Variants in RELB observed in about 807,000 individuals in gnomAD.
RELB encodes the protein transcription factor RelB.
Under a neutral mutation model 55.4 loss-of-function variants are expected in RELB, and 14 were observed. The observed-to-expected ratio is 0.25, with a 90% CI of 0.17 to 0.40. The LOEUF is 0.40. RELB is among the 10% of genes least tolerant of loss of function. The pLI is 1.00. For missense variants in RELB, 669 were observed against 830.7 expected (o/e 0.81, Z 2.39); for synonymous variants, 409 against 371.3 (o/e 1.10, Z -1.17).
In RELB at chr19:45,037,695, A is replaced by G. The variant is rs1177019152; in HGVS notation, c.1645A>G (p.Thr549Ala). ...GGCCCCGGGCCCCGGGGATGGAGGC[A>G]CCGCCAGCCTTGTGGGCAGCAACAT... ...YQAPGPGDGGTASLVGSNMFP... is the reference protein window; with the variant it reads ...YQAPGPGDGGAASLVGSNMFP... The change falls in exon 12 of 12, where the codon ACC becomes GCC. Residue 549 changes from threonine to alanine, a missense_variant. Physicochemically the swap from Thr to Ala is moderately conservative, Grantham distance 58. Around this residue, in one of 3 missense-constraint regions of RELB, gnomAD observed 341 missense variants for 436.8 expected, o/e 0.78. Transcript: ENST00000221452. 1.9e-6 allele frequency: 3 copies of G among 1,557,418 alleles called. No homozygotes were observed.
rs10424046 is a variant in RELB, at chr19:45,032,778, C to G, written c.1207+29C>G. ...ACTACAGCAACCCAGGGTGACCCAC[C>G]ACCTCGGAGACTAGGTCTTTGGCCT... On this transcript the variant is annotated intron_variant, in intron 9 of 11. Transcript: ENST00000221452. 788,019 of 1,567,922 alleles carry G rather than the reference C, an allele frequency of 0.5. 199,685 individuals carry two copies. Among genetic ancestry groups the G allele is most frequent in the Non-Finnish European group, 0.52 (604,033 of 1,153,544 alleles).
chr19:45,003,906 G>GTTTTTTTTTTTT lies in RELB; in HGVS notation c.154+916_154+917insTTTTTTTTTTTT, dbSNP rs1568395564. Among the ~76,000 whole-genome samples, 38 of 62,532 alleles carry GTTTTTTTTTTTT rather than the reference G, an allele frequency of 6.1e-4. 3 individuals carry two copies. Among genetic ancestry groups the GTTTTTTTTTTTT allele is most frequent in the African/African-American group, 2.0e-3 (37 of 18,390 alleles). 41.0% of individuals were successfully genotyped at this position (62,532 alleles called of 152,430 possible). On this transcript the variant is annotated intron_variant, in intron 2 of 11. Coordinates refer to ENST00000221452, the MANE Select transcript of RELB (RefSeq NM_006509.4). Reference sequence around the variant, plus strand: ...GTGTGTGTGTGGGTTTTTTTTGTCTGTTTTTTGTGTTTTTTTTTTTTTTTT... The same window carrying GTTTTTTTTTTTT: ...GTGTGTGTGTGGGTTTTTTTTGTCTGTTTTTTTTTTTTTTTTTTGTGTTTTTTTTTTTTTTTT...
At chr19:45,020,213 TTCTC>T (rs763876860) in intron 4 of RELB, among the ~76,000 whole-genome samples, 5 of 151,888 alleles carry the variant, frequency 3.3e-5, no homozygotes, top group African/African-American at 7.2e-5. Context: ...TTTATTCTCT[TTCTC>T]TCTCTCTCTT....
chr19:45,014,656 T>TACAGGC (rs1971401226), intron 4 of RELB, among the ~76,000 whole-genome samples: 1 of 150,824 alleles, frequency 6.6e-6, no homozygotes, highest in South Asian at 2.1e-4. Context: ...TAGCTGGGAT[T>TACAGGC]ACAGGCACGC....
chr19:45,032,588 C>T lies in RELB; in HGVS notation c.1046C>T (p.Ser349Phe). The T allele has an allele frequency of 6.2e-7, 1 of 1,613,568 alleles. No homozygotes were observed. The highest frequency in any genetic ancestry group is 8.5e-7 in the Non-Finnish European group (1 of 1,179,774). ...RASWEGRADF[S>F]QADVHRQIAI... ...TCCTGGGAAGGTCGGGCTGACTTCT[C>T]CCAGGCCGACGTGCACCGCCAGATT... Residue 349 changes from serine to phenylalanine, a missense_variant, in exon 9 of 12, where the codon TCC becomes TTC. Transcript: ENST00000221452.
At position 45,034,245 on chromosome 19, in the gene RELB, C is replaced by T. The variant is rs965724225; in HGVS notation, c.1209C>T (p.Asp403=). 8.7e-6 allele frequency: 14 copies of T among 1,613,106 alleles called. No individual in the cohort carries two copies. Among genetic ancestry groups the T allele is most frequent in the African/African-American group, 4.0e-5 (3 of 74,924 alleles). The part of the protein sequence containing the change: ...LPFTYLPRDH[D]SYGVDKKRKR... ...GTGTCCCTGGTATCTCCTTAACAGA[C>T]AGCTACGGCGTGGACAAGAAGCGGA... Residue 403 remains aspartate, a splice_region_variant and synonymous_variant, in exon 10 of 12, where the codon GAC becomes GAT. Transcript: ENST00000221452.
chr19:45,021,456 C>CA (rs527934701), intron 4 of RELB, among the ~76,000 whole-genome samples: 4,163 of 68,298 alleles, frequency 0.061, 205 homozygotes, highest in African/African-American at 0.16. Flanking sequence ...GACTCCATCT[C>CA]AAAAAAAAAA....
At chr19:45,033,699 T>C (rs1971652504) in intron 9 of RELB, among the ~76,000 whole-genome samples, 1 of 148,286 alleles carries the variant, frequency 6.7e-6, no homozygotes, top group Non-Finnish European at 1.5e-5. Context: ...CCCGCCACCA[T>C]GCCCGGCTAA....
intron 7 of RELB, among the ~76,000 whole-genome samples, chr19:45,027,738 G>T (rs895260942): frequency 2.0e-5 from 3 of 151,898 alleles, no homozygotes; most frequent in African/African-American, 7.3e-5. Flanking sequence ...GAGGGGTCAG[G>T]ACTACTAGAT....
intron 11 of RELB, among the ~76,000 whole-genome samples, chr19:45,036,591 TC>T (rs1158943115): frequency 6.6e-6 from 1 of 152,164 alleles, no homozygotes; most frequent in Non-Finnish European, 1.5e-5. Context: ...GGGAAAACTC[TC>T]CACAGCTGTG....
chr19:45,029,265 A>G (rs1971593510), intron 8 of RELB, among the ~76,000 whole-genome samples: 1 of 152,180 alleles, frequency 6.6e-6, no homozygotes, highest in South Asian at 2.1e-4. Flanking sequence ...AGCTCACGAC[A>G]TGTCCAGAGG....
At chr19:45,003,626 G>A (rs534849231) in intron 2 of RELB, 3 of 516,590 alleles carry the variant, frequency 5.8e-6, no homozygotes, top group Admixed American at 2.0e-5. Context: ...TGCTGTCATC[G>A]CCCCTCCCTG....
In RELB at chr19:45,037,877, C is replaced by A; in HGVS notation, c.*87C>A. 2 of 1,310,246 alleles carry A rather than the reference C, an allele frequency of 1.5e-6. No homozygotes were observed. Among genetic ancestry groups the A allele is most frequent in the South Asian group, 1.6e-5 (1 of 61,398 alleles). 81.2% of individuals were successfully genotyped at this position (1,310,246 alleles called of 1,614,324 possible). A position where few individuals can be genotyped will look rare whatever the true frequency, so the allele number is the denominator to read the frequency against. ...AACCAGGATGTCTAGCACCCCCATC[C>A]CCTTGGCCCTTCCTCATGCTTCTGA... On this transcript the variant is annotated 3_prime_UTR_variant, in exon 12 of 12. Coordinates refer to ENST00000221452, the MANE Select transcript of RELB (RefSeq NM_006509.4).
Position 45,037,616 on chromosome 19 carries a change from G to T in RELB, c.1566G>T (p.Gly522=). 1 of 1,603,668 alleles carries T rather than the reference G, an allele frequency of 6.2e-7. No individual in the cohort carries two copies. Among genetic ancestry groups the T allele is most frequent in the Non-Finnish European group, 8.5e-7 (1 of 1,175,816 alleles). The part of the protein sequence containing the change: ...ASAVVCSGGA[G]AVVGETPGPE... ...CTGTTGTGTGCAGCGGAGGTGCCGG[G>T]GCCGTGGTTGGGGAGACCCCCGGCC... is the stretch of plus-strand genomic sequence containing the variant. The change falls in exon 12 of 12, where the codon GGG becomes GGT. Residue 522 remains glycine, a synonymous_variant. Coordinates refer to ENST00000221452, the MANE Select transcript of RELB (RefSeq NM_006509.4).
At position 45,011,785 on chromosome 19, in the gene RELB, TGTGTGTGTGTGTGAGAGAGAGAGAGA is replaced by T. The variant is rs1418981321; in HGVS notation, c.164-149_164-124del. ...GTGTGTGTGTGTGTGTGTGTGTGTG[TGTGTGTGTGTGTGAGAGAGAGAGAGA>T]GAGAGAGAGAGAGAGAGAGAGAGAT... On this transcript the variant is annotated intron_variant, in intron 3 of 11. Transcript: ENST00000221452. 280 of 355,298 alleles carry T rather than the reference TGTGTGTGTGTGTGAGAGAGAGAGAGA, an allele frequency of 7.9e-4. 1 individual carries two copies. The African/African-American group carries it at 0.013, about 16-fold the overall frequency. The allele number at this position is 355,298 out of a possible 1,614,324, so 22.0% of individuals were successfully genotyped here.
At chr19:45,021,456 CAAAA>C (rs527934701) in intron 4 of RELB, among the ~76,000 whole-genome samples, 4 of 68,956 alleles carry the variant, frequency 5.8e-5, no homozygotes, top group Admixed American at 3.5e-4. Flanking sequence ...GACTCCATCT[CAAAA>C]AAAAAAAAAA....
At chr19:45,035,420 A>C (rs1971674904) in intron 11 of RELB, among the ~76,000 whole-genome samples, 1 of 151,964 alleles carries the variant, frequency 6.6e-6, no homozygotes. Flanking sequence ...TTGGAGGCTG[A>C]GGCAGACAAA....
intron 11 of RELB, 106 bp from the exon 12 acceptor site, chr19:45,037,299 G>T: frequency 7.2e-6 from 8 of 1,112,884 alleles, no homozygotes; most frequent in Non-Finnish European, 9.8e-6. Context: ...AAAAAAAAAA[G>T]GCCACCTTGA....
intron 7 of RELB, among the ~76,000 whole-genome samples, chr19:45,028,598 A>G (rs1022985394): frequency 6.6e-6 from 1 of 150,632 alleles, no homozygotes; most frequent in Admixed American, 6.6e-5. Flanking sequence ...CCTCCCAAAG[A>G]GCTGGGATTA....
Sources: allele counts gnomAD v4.1 joint callset (sites outside exome capture counted in the v4.1 genomes callset), GRCh38; gene constraint gnomAD v4.1.1; regional missense constraint gnomAD v4.1.1; transcripts MANE v1.5; gene names NCBI Gene and HGNC (gene_info 2026-07-23, HGNC 2026-07-21).